Variants in NOS1AP observed in about 807,000 individuals in gnomAD.
The protein encoded by NOS1AP is carboxyl-terminal PDZ ligand of neuronal nitric oxide synthase protein.
A neutral mutation model predicts 56.2 loss-of-function variants in NOS1AP; 21 were observed. That is an observed-to-expected ratio of 0.37 (90% confidence interval 0.26 to 0.54). NOS1AP has a LOEUF of 0.54. NOS1AP is among the 20% of genes least tolerant of loss of function. The pLI is 0.84. For synonymous variants in NOS1AP, 270 were observed against 274.6 expected (o/e 0.98, Z 0.17); for missense variants, 522 against 657.8 (o/e 0.79, Z 2.26).
intron 2 of NOS1AP, among the ~76,000 whole-genome samples, chr1:162,220,405 A>G (rs1652731559): frequency 6.6e-6 from 1 of 152,098 alleles, no homozygotes; most frequent in African/African-American, 2.4e-5. Context: ...AGGTAGATGA[A>G]CAGTGTCTGG....
chr1:162,266,507 C>A (rs1445860800), intron 2 of NOS1AP, among the ~76,000 whole-genome samples: 1 of 152,154 alleles, frequency 6.6e-6, no homozygotes, highest in Non-Finnish European at 1.5e-5. Context: ...ACCTTTCAAT[C>A]TTTTGGATTA....
intron 2 of NOS1AP, among the ~76,000 whole-genome samples, chr1:162,197,426 C>T (rs142689594): frequency 3.3e-4 from 51 of 152,268 alleles, no homozygotes; most frequent in African/African-American, 1.1e-3. Flanking sequence ...TCTTGGCAGC[C>T]GGGATGTACT....
chr1:162,081,907 C>T (rs186691638), intron 1 of NOS1AP, among the ~76,000 whole-genome samples: 1 of 150,760 alleles, frequency 6.6e-6, no homozygotes, highest in Non-Finnish European at 1.5e-5. Flanking sequence ...CCTGGCCCCA[C>T]TTCTATTTTT....
intron 2 of NOS1AP, among the ~76,000 whole-genome samples, chr1:162,230,588 A>G (rs1460836395): frequency 6.6e-6 from 1 of 152,244 alleles, no homozygotes; most frequent in Non-Finnish European, 1.5e-5. Context: ...TGTGCAAACC[A>G]AACTTCGAAA....
intron 8 of NOS1AP, 145 bp downstream of exon 8, chr1:162,357,281 T>G: frequency 4.3e-6 from 6 of 1,391,882 alleles, no homozygotes; most frequent in Non-Finnish European, 3.9e-6. Flanking sequence ...TGTTGGGGAG[T>G]GGGGGCAGCG....
chr1:162,304,392 A>T (rs1320260614), intron 4 of NOS1AP, among the ~76,000 whole-genome samples: 5 of 152,224 alleles, frequency 3.3e-5, no homozygotes, highest in African/African-American at 1.2e-4. Flanking sequence ...CTAGTACCAC[A>T]CTGTCTTGAT....
At chr1:162,099,614 C>T (rs1692333131) in intron 1 of NOS1AP, among the ~76,000 whole-genome samples, 1 of 142,482 alleles carries the variant, frequency 7.0e-6, no homozygotes, top group African/African-American at 2.6e-5. Flanking sequence ...TTATTGGCTG[C>T]ATGTATGTTT....
chr1:162,226,648 C>T (rs1386693814), intron 2 of NOS1AP, among the ~76,000 whole-genome samples: 1 of 152,142 alleles, frequency 6.6e-6, no homozygotes, highest in Admixed American at 6.5e-5. Flanking sequence ...TCTATTGAAG[C>T]CTTTACTAAC....
Position 162,367,632 on chromosome 1 carries a change from G to A in NOS1AP, c.*165G>A, listed in dbSNP as rs1425384757. On this transcript the variant is annotated 3_prime_UTR_variant, in exon 10 of 10. Coordinates refer to ENST00000361897, the MANE Select transcript of NOS1AP (RefSeq NM_014697.3). The surrounding 1 kb of genome is among the most constrained non-coding windows in gnomAD (Gnocchi z 6.5). ...AAAGTATTGAGATTCTGCTTTGGAG[G>A]GTAAAGTGGGGAAGAAATCGGATTC... 2.6e-6 allele frequency: 2 copies of A among 765,328 alleles called. No homozygotes were observed. The highest frequency in any genetic ancestry group is 4.1e-6 in the Non-Finnish European group (2 of 489,284). 47.4% of individuals were successfully genotyped at this position (765,328 alleles called of 1,614,324 possible). A position where few individuals can be genotyped will look rare whatever the true frequency, so the allele number is the denominator to read the frequency against.
At chr1:162,330,969 C>T (rs1170538652) in intron 4 of NOS1AP, among the ~76,000 whole-genome samples, 1 of 151,936 alleles carries the variant, frequency 6.6e-6, no homozygotes, top group Non-Finnish European at 1.5e-5. Flanking sequence ...GTATGGTGTC[C>T]CCTTATCAAG....
chr1:162,320,584 G>A (rs578173352), intron 4 of NOS1AP, among the ~76,000 whole-genome samples: 27 of 152,248 alleles, frequency 1.8e-4, no homozygotes, highest in Middle Eastern at 6.8e-3. Flanking sequence ...AGCCGGGAGC[G>A]GTGGCTCACG....
chr1:162,195,675 G>C (rs1369644490), intron 2 of NOS1AP, among the ~76,000 whole-genome samples: 1 of 152,048 alleles, frequency 6.6e-6, no homozygotes, highest in African/African-American at 2.4e-5. Context: ...CTGTCCTCTT[G>C]TCTTGAAATG....
intron 2 of NOS1AP, among the ~76,000 whole-genome samples, chr1:162,257,796 A>G (rs1343540538): frequency 1.3e-5 from 2 of 152,138 alleles, no homozygotes; most frequent in African/African-American, 4.8e-5. Context: ...CTCTGTGGCA[A>G]TCTGAGTACT....
At chr1:162,254,622 G>C (rs547883749) in intron 2 of NOS1AP, among the ~76,000 whole-genome samples, 2 of 152,222 alleles carry the variant, frequency 1.3e-5, no homozygotes, top group Non-Finnish European at 2.9e-5. Context: ...AGTAGCTAGC[G>C]TGTCACAAGA....
chr1:162,333,412 AG>A (rs1656839316), intron 5 of NOS1AP, among the ~76,000 whole-genome samples: 1 of 152,194 alleles, frequency 6.6e-6, no homozygotes, highest in African/African-American at 2.4e-5. Flanking sequence ...GCCTTGGGGT[AG>A]GAAAAAAGCA....
chr1:162,104,738 G>A (rs886463597), intron 1 of NOS1AP, among the ~76,000 whole-genome samples: 2 of 152,014 alleles, frequency 1.3e-5, no homozygotes, highest in Admixed American at 6.5e-5. Flanking sequence ...CCTGTGTTGT[G>A]TTTTTCAGCT....
Position 162,110,514 on chromosome 1 carries a change from A to G in NOS1AP, c.105+40232A>G, listed in dbSNP as rs1647669989. 2.0e-5 allele frequency among the ~76,000 whole-genome samples: 3 copies of G among 152,158 alleles called. No homozygotes were observed. In the South Asian group the frequency reaches 6.2e-4, roughly 32 times the overall value. On this transcript the variant is annotated intron_variant, in intron 1 of 9. Transcript: ENST00000361897. ...AATGGCTTGTCAAGTCTAAGACCCCAATCAGAATCTTATGACTTCAAAATC... is the reference window on the plus strand; with the variant it reads ...AATGGCTTGTCAAGTCTAAGACCCCGATCAGAATCTTATGACTTCAAAATC...
At chr1:162,210,498 C>T (rs544844045) in intron 2 of NOS1AP, among the ~76,000 whole-genome samples, 1 of 152,216 alleles carries the variant, frequency 6.6e-6, no homozygotes, top group South Asian at 2.1e-4. Context: ...AATTATTTCT[C>T]TCAGGCCCAT....
rs1480460850 is a variant in NOS1AP at position 162,195,516 on chromosome 1, A to C, written c.177+41040A>C. Reference sequence around the variant, plus strand: ...TATGCATTAAATAAATACATGATCAAAATTCTCTAGCTGACTTTTTATTTT... The same window carrying C: ...TATGCATTAAATAAATACATGATCACAATTCTCTAGCTGACTTTTTATTTT... On this transcript the variant is annotated intron_variant, in intron 2 of 9. Transcript: ENST00000361897. 7.9e-5 allele frequency among the ~76,000 whole-genome samples: 12 copies of C among 152,218 alleles called. 1 individual carries two copies. The highest frequency in any genetic ancestry group is 7.9e-4 in the Admixed American group (12 of 15,286).
Sources: allele counts gnomAD v4.1 joint callset (sites outside exome capture counted in the v4.1 genomes callset), GRCh38; gene constraint gnomAD v4.1.1; non-coding constraint Gnocchi (gnomAD v3.1); transcripts MANE v1.5; gene names NCBI Gene and HGNC (gene_info 2026-07-23, HGNC 2026-07-21).